The following LAMC3 variants were observed in gnomAD, a reference collection of about 807,000 sequenced individuals.
The protein encoded by LAMC3 is laminin subunit gamma 3.
A neutral mutation model predicts 173.8 loss-of-function variants in LAMC3; 128 were observed. The observed-to-expected ratio is 0.74, with a 90% CI of 0.64 to 0.85. The LOEUF (loss-of-function observed/expected upper bound fraction) is 0.85, where lower values mean the gene tolerates loss of function less well. Ranked by LOEUF, LAMC3 falls within the 40% of genes least tolerant of loss-of-function variation. The pLI is 0.00. For synonymous variants in LAMC3, 897 were observed against 909.1 expected, an observed-to-expected ratio of 0.99 and a Z score of 0.24; for missense variants, 2,022 against 2,156.0, an observed-to-expected ratio of 0.94 and a Z score of 1.23.
rs1202348426 is a variant in LAMC3, at chr9:131,094,388, C to G, written c.*2601C>G. On this transcript the variant is annotated 3_prime_UTR_variant, in exon 28 of 28. Transcript: ENST00000361069. ...CCCCAACCTAATGGGAGATGGTGTT[C>G]AGAGAAGAGGTGTGCTCCTCCACAG... 6.6e-6 allele frequency: 1 copy of G among 152,198 alleles called. No individual in the cohort carries two copies. Among genetic ancestry groups the G allele is most frequent in the Non-Finnish European group, 1.5e-5 (1 of 68,098 alleles). 9.4% of individuals were successfully genotyped at this position (152,198 alleles called of 1,614,324 possible). A position where few individuals can be genotyped will look rare whatever the true frequency, so the allele number is the denominator to read the frequency against.
chr9:131,028,022 T>C (rs1833757660), intron 2 of LAMC3, among the ~76,000 whole-genome samples: 2 of 152,226 alleles, frequency 1.3e-5, no homozygotes, highest in African/African-American at 2.4e-5. Flanking sequence ...TGCAGACCGG[T>C]ACTGGTCCAT....
chr9:131,047,244 AACCTCC>A (rs1834187290), intron 8 of LAMC3, among the ~76,000 whole-genome samples: 2 of 103,568 alleles, frequency 1.9e-5, no homozygotes, highest in Non-Finnish European at 2.0e-5. Flanking sequence ...AGCTCTCTGC[AACCTCC>A]GCCTCCCAGG....
intron 27 of LAMC3, among the ~76,000 whole-genome samples, chr9:131,088,264 G>A (rs1830363594): frequency 6.6e-6 from 1 of 152,098 alleles, no homozygotes; most frequent in South Asian, 2.1e-4. Context: ...TCCCTTCTTT[G>A]GCCATTAGAC....
chr9:131,022,421 C>T (rs928847969), intron 1 of LAMC3, among the ~76,000 whole-genome samples: 1 of 151,988 alleles, frequency 6.6e-6, no homozygotes, highest in Non-Finnish European at 1.5e-5. Flanking sequence ...CAATAACATA[C>T]ATAGTATATA....
chr9:131,049,012 C>T lies in LAMC3; in HGVS notation c.1520-8C>T, dbSNP rs1217983779. On this transcript the variant is annotated splice_region_variant and splice_polypyrimidine_tract_variant and intron_variant, in intron 8 of 27. Coordinates refer to ENST00000361069, the MANE Select transcript of LAMC3 (RefSeq NM_006059.4). ...ACTGATCGGGGGGTGTCTGTGTTTG[C>T]TGTCTAGGAGCCGAAGGCTGGTGGG... 1 of 1,532,806 alleles carries T rather than the reference C, an allele frequency of 6.5e-7. No homozygotes were observed. Among genetic ancestry groups the T allele is most frequent in the South Asian group, 1.2e-5 (1 of 83,684 alleles). 95.0% of individuals were successfully genotyped at this position (1,532,806 alleles called of 1,614,324 possible).
chr9:131,041,440 G>A (rs1834055463), intron 6 of LAMC3, among the ~76,000 whole-genome samples, 197 bp from the exon 7 acceptor site: 1 of 152,010 alleles, frequency 6.6e-6, no homozygotes, highest in Non-Finnish European at 1.5e-5. Flanking sequence ...ATGTGTGGTG[G>A]GTGGGAAGAT....
At chr9:131,083,017 T>C (rs1351813248) in intron 24 of LAMC3, among the ~76,000 whole-genome samples, 1 of 152,254 alleles carries the variant, frequency 6.6e-6, no homozygotes, top group Non-Finnish European at 1.5e-5. Context: ...GTTTGGGGAC[T>C]TCCTGTCGGA....
At chr9:131,027,404 A>T (rs897463445) in intron 2 of LAMC3, among the ~76,000 whole-genome samples, 6 of 152,180 alleles carry the variant, frequency 3.9e-5, no homozygotes, top group African/African-American at 1.4e-4. Flanking sequence ...AAGGGCTCCT[A>T]TGAAAATGGC....
intron 1 of LAMC3, among the ~76,000 whole-genome samples, chr9:131,011,242 C>A (rs542598775): frequency 6.6e-6 from 1 of 152,256 alleles, no homozygotes; most frequent in Non-Finnish European, 1.5e-5. Flanking sequence ...TGTTCAATTC[C>A]CAAACACATT....
At chr9:131,090,841 A>G (rs1830411780) in intron 27 of LAMC3, among the ~76,000 whole-genome samples, 1 of 150,678 alleles carries the variant, frequency 6.6e-6, no homozygotes, top group Non-Finnish European at 1.5e-5. Context: ...AGCCTGGCCA[A>G]CGTGGTGAAA....
At chr9:131,020,060 G>C (rs992916141) in intron 1 of LAMC3, among the ~76,000 whole-genome samples, 1 of 152,140 alleles carries the variant, frequency 6.6e-6, no homozygotes, top group Non-Finnish European at 1.5e-5. Context: ...GCTTATTTTG[G>C]GAAAATGGAA....
intron 27 of LAMC3, among the ~76,000 whole-genome samples, chr9:131,089,998 T>C (rs941263127): frequency 7.9e-5 from 12 of 152,172 alleles, no homozygotes; most frequent in Non-Finnish European, 2.9e-5. Context: ...CGTCTCGTTA[T>C]GTTAACCAAG....
Position 131,037,954 on chromosome 9 carries a change from C to T in LAMC3, c.977-910C>T, listed in dbSNP as rs959233869. On this transcript the variant is annotated intron_variant, in intron 4 of 27. Coordinates refer to ENST00000361069, the MANE Select transcript of LAMC3 (RefSeq NM_006059.4). The stretch of plus-strand genomic sequence containing the variant: ...TTCACAACTGCCCCTGCACTGCAGG[C>T]CCCCCACTGCACAAAGTCCTTCCTT... 5.3e-5 allele frequency among the ~76,000 whole-genome samples: 8 copies of T among 152,334 alleles called. No homozygotes were observed. In the South Asian group the frequency reaches 1.7e-3, roughly 32 times the overall value.
chr9:131,015,850 G>T (rs1485146485), intron 1 of LAMC3, among the ~76,000 whole-genome samples: 2 of 152,202 alleles, frequency 1.3e-5, no homozygotes, highest in Middle Eastern at 6.8e-3. Context: ...TAGTTACGGG[G>T]TTTCACCATG....
rs199782314 is a variant in LAMC3 at position 131,018,272 on chromosome 9, T to TA, written c.374-8013_374-8012insA. 5.6e-3 allele frequency among the ~76,000 whole-genome samples: 844 copies of TA among 151,574 alleles called. 7 individuals are homozygous for TA. Among genetic ancestry groups the TA allele is most frequent in the African/African-American group, 0.019 (792 of 41,350 alleles). ...GCCTCAGCCTCCCGTGTAGCTGGGA[T>TA]TACAGGTGCATGCCACCATGCCCGG... is the stretch of plus-strand genomic sequence containing the variant. On this transcript the variant is annotated intron_variant, in intron 1 of 27. Coordinates refer to ENST00000361069, the MANE Select transcript of LAMC3 (RefSeq NM_006059.4).
rs148698819 is a variant in LAMC3, at chr9:131,032,602, T to TTCTCTCTC, written c.809+442_809+449dup. ...TCGCTTGCTCTCTTTCTCACTCGCT[T>TTCTCTCTC]TCTCTCTCTCTCTCTCTCTCTCACT... On this transcript the variant is annotated intron_variant, in intron 3 of 27. Transcript: ENST00000361069. 7.7e-4 allele frequency among the ~76,000 whole-genome samples: 91 copies of TTCTCTCTC among 118,796 alleles called. No individual in the cohort carries two copies. In the East Asian group the frequency reaches 0.015, roughly 20 times the overall value. 77.9% of individuals were successfully genotyped at this position (118,796 alleles called of 152,430 possible).
intron 19 of LAMC3, 106 bp downstream of exon 19, chr9:131,072,941 G>T (rs1458508470): frequency 9.5e-7 from 1 of 1,051,998 alleles, no homozygotes; most frequent in Non-Finnish European, 1.4e-6. Flanking sequence ...CCCACTTTGG[G>T]AGGCTTAATT....
At chr9:131,087,084 T>A (rs1228689383) in intron 25 of LAMC3, among the ~76,000 whole-genome samples, 1 of 152,200 alleles carries the variant, frequency 6.6e-6, no homozygotes, top group Non-Finnish European at 1.5e-5. Context: ...AGTGCCTATC[T>A]CCCCAGCTCT....
At chr9:131,021,739 C>T (rs1833629011) in intron 1 of LAMC3, among the ~76,000 whole-genome samples, 1 of 152,216 alleles carries the variant, frequency 6.6e-6, no homozygotes, top group African/African-American at 2.4e-5. Flanking sequence ...GCCTCACGAA[C>T]TTCTGACAGA....
Sources: gnomAD v4.1 joint callset for allele counts (sites outside exome capture counted in the v4.1 genomes callset) on GRCh38, gnomAD v4.1.1 for gene constraint, MANE v1.5 for transcripts, NCBI Gene and HGNC (gene_info 2026-07-23, HGNC 2026-07-21) for gene names.